The following TAF2 variants were observed in gnomAD, a reference collection of about 807,000 sequenced individuals.
The protein encoded by TAF2 is TATA-box binding protein associated factor 2, also known as transcription initiation factor TFIID subunit 2.
Under a neutral mutation model 138.5 loss-of-function variants are expected in TAF2, and 61 were observed. The observed-to-expected ratio is 0.44, with a 90% CI of 0.36 to 0.54. TAF2 has a LOEUF of 0.54. Ranked by LOEUF, TAF2 falls within the 20% of genes least tolerant of loss-of-function variation. The pLI, the probability that TAF2 is intolerant of heterozygous loss-of-function variation, is 0.00. For missense variants in TAF2, 1,090 were observed against 1,427.9 expected (o/e 0.76, Z 3.81); for synonymous variants, 475 against 469.9 (o/e 1.01, Z -0.14).
chr8:119,790,536 A>AT (rs2131167345), intron 11 of TAF2, among the ~76,000 whole-genome samples: 1 of 152,204 alleles, frequency 6.6e-6, no homozygotes, highest in East Asian at 1.9e-4. Context: ...AAAAAGCATT[A>AT]TTTTTTACCT....
intron 20 of TAF2, among the ~76,000 whole-genome samples, chr8:119,759,559 ATAT>A (rs1820921629): frequency 6.6e-6 from 1 of 152,054 alleles, no homozygotes; most frequent in African/African-American, 2.4e-5. Flanking sequence ...TTCTATTTTC[ATAT>A]TTTTTAAAAA....
intron 2 of TAF2, among the ~76,000 whole-genome samples, chr8:119,821,073 T>A (rs1229954738): frequency 6.6e-6 from 1 of 152,190 alleles, no homozygotes; most frequent in Non-Finnish European, 1.5e-5. Context: ...AAGAACAGCA[T>A]CTGGTTTTCT....
chr8:119,781,426 C>T (rs1470514055), intron 16 of TAF2, among the ~76,000 whole-genome samples: 1 of 152,082 alleles, frequency 6.6e-6, no homozygotes, highest in Admixed American at 6.5e-5. Flanking sequence ...ACCTGTAATC[C>T]CAGCACTTTG....
chr8:119,753,440 T>A (rs1021684536), intron 22 of TAF2, among the ~76,000 whole-genome samples: 1 of 152,246 alleles, frequency 6.6e-6, no homozygotes, highest in African/African-American at 2.4e-5. Flanking sequence ...TATTGTCCAA[T>A]GTTCTATAAA....
At chr8:119,791,000 TA>T (rs1421116218) in intron 11 of TAF2, among the ~76,000 whole-genome samples, 3 of 151,890 alleles carry the variant, frequency 2.0e-5, no homozygotes, top group African/African-American at 4.8e-5. Flanking sequence ...GGGGTCTTAC[TA>T]TACTGCCCAG....
chr8:119,738,235 C>G (rs1207433324), intron 25 of TAF2, among the ~76,000 whole-genome samples: 5 of 152,004 alleles, frequency 3.3e-5, no homozygotes, highest in Admixed American at 2.0e-4. Context: ...CAGCTCTAAT[C>G]TAACGTGGTA....
Position 119,730,987 on chromosome 8 carries a change from TG to T in TAF2, c.*936del, listed in dbSNP as rs2130956049. 6.6e-6 allele frequency: 1 copy of T among 152,300 alleles called. No homozygotes were observed. Among genetic ancestry groups the T allele is most frequent in the Non-Finnish European group, 1.5e-5 (1 of 68,014 alleles). 9.4% of individuals were successfully genotyped at this position (152,300 alleles called of 1,614,324 possible). On this transcript the variant is annotated 3_prime_UTR_variant, in exon 26 of 26. Transcript: ENST00000378164. ...TATAAAGAAATCAAAATATTTCATA[TG>T]TTTTTAAATGCTTATGGTATGAGAG...
chr8:119,785,236 A>G lies in TAF2; in HGVS notation c.1824T>C (p.Asn608=), dbSNP rs746391956. ...RNKKKKIPLM[N]GEEVDMDLSA... The stretch of plus-strand genomic sequence containing the variant: ...AAAGATCCATATCAACTTCTTCTCC[A>G]TTCATCAGTGGGATTTTTTTCTTTT... Residue 608 remains asparagine, a synonymous_variant, in exon 15 of 26, where the codon AAT becomes AAC. Coordinates refer to ENST00000378164, the MANE Select transcript of TAF2 (RefSeq NM_003184.4). 1.6e-5 allele frequency: 26 copies of G among 1,612,830 alleles called. No individual in the cohort carries two copies. Among genetic ancestry groups the G allele is most frequent in the Non-Finnish European group, 2.0e-5 (24 of 1,179,264 alleles).
intron 4 of TAF2, 135 bp downstream of exon 4, chr8:119,806,148 C>A: frequency 1.3e-6 from 1 of 784,022 alleles, no homozygotes; most frequent in Non-Finnish European, 2.2e-6. Context: ...GTGATCCACC[C>A]GCCTCAGCCT....
At chr8:119,813,857 T>C (rs1825264136) in intron 3 of TAF2, among the ~76,000 whole-genome samples, 1 of 152,334 alleles carries the variant, frequency 6.6e-6, no homozygotes, top group South Asian at 2.1e-4. Flanking sequence ...GGCTTATGCC[T>C]GTAATTGCAG....
chr8:119,784,297 G>A (rs754797952), intron 15 of TAF2, among the ~76,000 whole-genome samples: 6 of 152,184 alleles, frequency 3.9e-5, no homozygotes, highest in Non-Finnish European at 4.4e-5. Flanking sequence ...GCTCATGTCT[G>A]TAACCCCAGC....
chr8:119,806,302 C>G lies in TAF2; in HGVS notation c.399G>C (p.Glu133Asp). 1 of 1,613,880 alleles carries G rather than the reference C, an allele frequency of 6.2e-7. No individual in the cohort carries two copies. Residue 133 changes from glutamate to aspartate, a missense_variant, in exon 4 of 26, where the codon GAG becomes GAC. Physicochemically the swap from Glu to Asp is conservative, Grantham distance 45 (BLOSUM62 2). Coordinates refer to ENST00000378164, the MANE Select transcript of TAF2 (RefSeq NM_003184.4). Reference sequence around the variant, plus strand: ...CTTTACCATCAACGTGTTTCCATAGCTCTGATGGAACCTTAATGCAAAGTT... The same window carrying G: ...CTTTACCATCAACGTGTTTCCATAGGTCTGATGGAACCTTAATGCAAAGTT... ...NGELCIKVPS[E>D]LWKHVDELKV...
At chr8:119,812,776 A>ATG (rs1175141775) in intron 3 of TAF2, among the ~76,000 whole-genome samples, 5 of 142,214 alleles carry the variant, frequency 3.5e-5, no homozygotes, top group African/African-American at 1.0e-4. Context: ...TATATGGTGT[A>ATG]TGTGTGTGTG....
chr8:119,803,302 T>G (rs951757985), intron 5 of TAF2, among the ~76,000 whole-genome samples: 4 of 152,236 alleles, frequency 2.6e-5, no homozygotes, highest in Non-Finnish European at 5.9e-5. Context: ...ATGTATGTTT[T>G]ACTTCAATAT....
At chr8:119,786,619 C>T (rs1823029120) in intron 14 of TAF2, among the ~76,000 whole-genome samples, 1 of 152,004 alleles carries the variant, frequency 6.6e-6, no homozygotes. Flanking sequence ...TGTTCTCTAC[C>T]TAAAAAATTA....
chr8:119,788,658 G>C, intron 13 of TAF2, 132 bp downstream of exon 13: 1 of 816,292 alleles, frequency 1.2e-6, no homozygotes, highest in Non-Finnish European at 2.1e-6. Context: ...CTTTGACAAA[G>C]TCAATGTTTT....
intron 3 of TAF2, among the ~76,000 whole-genome samples, chr8:119,809,567 C>T (rs1413223955): frequency 2.0e-5 from 3 of 152,176 alleles, no homozygotes; most frequent in Admixed American, 6.6e-5. Context: ...CTAAGCTTAA[C>T]CATTTCTATA....
At chr8:119,806,759 T>C (rs1161600460) in intron 3 of TAF2, among the ~76,000 whole-genome samples, 2 of 152,162 alleles carry the variant, frequency 1.3e-5, no homozygotes, top group African/African-American at 2.4e-5. Flanking sequence ...TGAGCCACCA[T>C]GCCTGGCCTC....
rs1823174190 is a variant in TAF2 at position 119,788,352 on chromosome 8, A to G, written c.1779T>C (p.His593=). 6.2e-7 allele frequency: 1 copy of G among 1,613,122 alleles called. No individual in the cohort carries two copies. Among genetic ancestry groups the G allele is most frequent in the Admixed American group, 1.7e-5 (1 of 59,960 alleles). The part of the protein sequence containing the change: ...ENSLKHDIPC[H]SKSRRNKKKK... ...GTAATGCCTACCTTCTACTTTTGGA[A>G]TGGCAGGGTATATCATGTTTAAGGC... is the stretch of plus-strand genomic sequence containing the variant. Residue 593 remains histidine (H), a synonymous_variant, in exon 14 of 26, where the codon CAT becomes CAC. Transcript: ENST00000378164.
Sources: allele counts gnomAD v4.1 joint callset (sites outside exome capture counted in the v4.1 genomes callset), GRCh38; gene constraint gnomAD v4.1.1; transcripts MANE v1.5; gene names NCBI Gene and HGNC (gene_info 2026-07-23, HGNC 2026-07-21).